DCLK2: variants seen among roughly 807,000 people sequenced by gnomAD.
DCLK2 encodes the protein serine/threonine-protein kinase DCLK2.
A neutral mutation model predicts 78.4 loss-of-function variants in DCLK2; 31 were observed. That is an observed-to-expected ratio of 0.40 (90% CI 0.30 to 0.53). The LOEUF is 0.53. DCLK2 is among the 20% of genes least tolerant of loss of function. DCLK2 has a pLI of 0.61. For synonymous variants in DCLK2, 407 were observed against 374.9 expected (o/e 1.09, Z -0.99); for missense variants, 872 against 973.7 (o/e 0.90, Z 1.39).
rs200403034 is a variant in DCLK2, at chr4:150,249,698, G to T, written c.2073+14G>T. The stretch of plus-strand genomic sequence containing the variant: ...TCCGTCATCATGGTGAGTGGAAGGC[G>T]GCAGGTCTGGCCTGACTGCGGAGCC... On this transcript the variant is annotated intron_variant, in intron 15 of 15. Transcript: ENST00000296550. 3.4e-4 allele frequency: 553 copies of T among 1,605,912 alleles called. No homozygotes were observed. Among genetic ancestry groups the T allele is most frequent in the Non-Finnish European group, 4.0e-4 (473 of 1,173,370 alleles).
intron 15 of DCLK2, among the ~76,000 whole-genome samples, chr4:150,251,976 C>G: frequency 6.6e-6 from 1 of 152,056 alleles, no homozygotes; most frequent in Non-Finnish European, 1.5e-5. Flanking sequence ...CCTGGGTTTG[C>G]AAGCTGAGTC....
At chr4:150,082,770 C>T (rs1729394468) in intron 1 of DCLK2, among the ~76,000 whole-genome samples, 1 of 152,180 alleles carries the variant, frequency 6.6e-6, no homozygotes, top group South Asian at 2.1e-4. Flanking sequence ...ATGACTTGTT[C>T]TTTAGCTTTC....
At chr4:150,080,279 G>A (rs1423340397) in intron 1 of DCLK2, among the ~76,000 whole-genome samples, 1 of 152,152 alleles carries the variant, frequency 6.6e-6, no homozygotes. Context: ...TCAGCAGTGG[G>A]GACTTATTAA....
intron 4 of DCLK2, among the ~76,000 whole-genome samples, chr4:150,201,207 C>G (rs1427166843): frequency 1.3e-5 from 2 of 152,130 alleles, no homozygotes; most frequent in African/African-American, 4.8e-5. Context: ...AAGTTTCTTT[C>G]TTTCCTTAGA....
At chr4:150,173,891 A>T (rs888388708) in intron 2 of DCLK2, among the ~76,000 whole-genome samples, 1 of 152,152 alleles carries the variant, frequency 6.6e-6, no homozygotes, top group African/African-American at 2.4e-5. Flanking sequence ...TAATATTCAA[A>T]TTATTTATTT....
intron 2 of DCLK2, among the ~76,000 whole-genome samples, chr4:150,146,341 A>G (rs973797016): frequency 2.0e-5 from 3 of 152,340 alleles, no homozygotes; most frequent in East Asian, 1.9e-4. Context: ...AGAGTCTACA[A>G]TTTCACAAAG....
chr4:150,252,165 T>A, intron 15 of DCLK2, among the ~76,000 whole-genome samples: 1 of 152,346 alleles, frequency 6.6e-6, no homozygotes, highest in Middle Eastern at 3.4e-3. Flanking sequence ...GCCAACAGCA[T>A]GAGAATGTTT....
intron 3 of DCLK2, among the ~76,000 whole-genome samples, chr4:150,194,927 G>C (rs1453476233): frequency 1.3e-5 from 2 of 151,226 alleles, no homozygotes; most frequent in East Asian, 3.9e-4. Flanking sequence ...TCATGAGCTT[G>C]GGGGTCATTC....
intron 2 of DCLK2, among the ~76,000 whole-genome samples, chr4:150,153,904 C>T (rs949813071): frequency 6.6e-6 from 1 of 152,082 alleles, no homozygotes; most frequent in Non-Finnish European, 1.5e-5. Flanking sequence ...TCCATATGCC[C>T]CTGGTAGCTT....
At chr4:150,191,578 C>T (rs527760573) in intron 2 of DCLK2, among the ~76,000 whole-genome samples, 1 of 152,086 alleles carries the variant, frequency 6.6e-6, no homozygotes, top group Non-Finnish European at 1.5e-5. Context: ...CTAACACCAA[C>T]GGAGATAGAA....
chr4:150,123,780 G>A (rs1488942733), intron 2 of DCLK2, among the ~76,000 whole-genome samples: 2 of 152,180 alleles, frequency 1.3e-5, no homozygotes, highest in Admixed American at 1.3e-4. Flanking sequence ...GGTGGCTCAT[G>A]CCTGTAATCC....
At chr4:150,248,259 C>T in intron 13 of DCLK2, 46 bp from the exon 14 acceptor site, 1 of 1,526,444 alleles carries the variant, frequency 6.6e-7, no homozygotes, top group Non-Finnish European at 9.1e-7. Flanking sequence ...GCTGGAATTA[C>T]CTCCTTTCTC....
At chr4:150,204,459 A>G (rs368395997) in intron 5 of DCLK2, among the ~76,000 whole-genome samples, 35 of 152,344 alleles carry the variant, frequency 2.3e-4, no homozygotes, top group African/African-American at 7.9e-4. Context: ...TTGATTTAAT[A>G]GACAGTTATC....
intron 4 of DCLK2, among the ~76,000 whole-genome samples, chr4:150,203,411 T>C (rs1193079772): frequency 6.6e-6 from 1 of 152,194 alleles, no homozygotes; most frequent in East Asian, 1.9e-4. Flanking sequence ...TACACCAAGA[T>C]AGTGGATATT....
At position 150,079,279 on chromosome 4, in the gene DCLK2, C is replaced by G; in HGVS notation, c.252C>G (p.Phe84Leu). ...TCTACCGGAACGGGGACCGCTACTT[C>G]AAGGGCCTGGTGTTTGCCATCTCCA... ...ARFYRNGDRY[F>L]KGLVFAISSD... Residue 84 changes from phenylalanine (F) to leucine (L), a missense_variant, in exon 1 of 16, where the codon TTC (phenylalanine) becomes TTG (leucine). Physicochemically the swap from Phe to Leu is conservative, Grantham distance 22. Coordinates refer to ENST00000296550, the MANE Select transcript of DCLK2 (RefSeq NM_001040260.4). The G allele has an allele frequency of 6.2e-7, 1 of 1,601,824 alleles. No individual in the cohort carries two copies. Among genetic ancestry groups the G allele is most frequent in the Non-Finnish European group, 8.5e-7 (1 of 1,174,454 alleles).
intron 2 of DCLK2, among the ~76,000 whole-genome samples, chr4:150,139,459 G>A (rs538487417): frequency 1.1e-4 from 17 of 152,318 alleles, no homozygotes; most frequent in African/African-American, 3.8e-4. Context: ...CCTGGATTCA[G>A]ATGACTGTTC....
intron 15 of DCLK2, among the ~76,000 whole-genome samples, chr4:150,249,968 C>G (rs1403470197): frequency 6.6e-6 from 1 of 152,116 alleles, no homozygotes; most frequent in Non-Finnish European, 1.5e-5. Flanking sequence ...TTGTCTCTGC[C>G]TTCTCATCTA....
chr4:150,106,960 T>C (rs1412073845), intron 2 of DCLK2, among the ~76,000 whole-genome samples: 4 of 152,230 alleles, frequency 2.6e-5, no homozygotes, highest in African/African-American at 9.6e-5. Flanking sequence ...TTTTCTTTAG[T>C]GTAGAGCAGT....
At chr4:150,215,513 A>G (rs1236873438) in intron 5 of DCLK2, among the ~76,000 whole-genome samples, 1 of 152,218 alleles carries the variant, frequency 6.6e-6, no homozygotes, top group Non-Finnish European at 1.5e-5. Context: ...TTACTAATTT[A>G]TTATAAAGGA....
Sources: gnomAD v4.1 joint callset for allele counts (sites outside exome capture counted in the v4.1 genomes callset) on GRCh38, gnomAD v4.1.1 for gene constraint, MANE v1.5 for transcripts, NCBI Gene and HGNC (gene_info 2026-07-23, HGNC 2026-07-21) for gene names.